PTPRD: variants seen among roughly 807,000 people sequenced by gnomAD.
The protein encoded by PTPRD is receptor-type tyrosine-protein phosphatase delta.
Under a neutral mutation model 214.5 loss-of-function variants are expected in PTPRD, and 34 were observed. The ratio of observed to expected loss-of-function variants is 0.16; its 90% CI spans 0.12 to 0.21. The LOEUF is 0.21. Among genes scored for constraint, PTPRD ranks in the 10% least tolerant of loss-of-function variants. The probability of loss-of-function intolerance (pLI) is 1.00; values close to 1 mark genes in which losing one functional copy is unlikely to be tolerated. For missense variants in PTPRD, 2,545 were observed against 2,398.7 expected (o/e 1.06, Z -1.27); for synonymous variants, 1,128 against 845.7 (o/e 1.33, Z -5.79).
chr9:9,982,183 G>T (rs1456715718), intron 4 of PTPRD, among the ~76,000 whole-genome samples: 2 of 152,204 alleles, frequency 1.3e-5, no homozygotes, highest in East Asian at 3.9e-4. Flanking sequence ...TCTGTGCCAA[G>T]AAACCTCTGG....
chr9:9,242,042 G>A (rs1594361061), intron 9 of PTPRD, among the ~76,000 whole-genome samples: 1 of 151,950 alleles, frequency 6.6e-6, no homozygotes, highest in African/African-American at 2.4e-5. Context: ...CAGGCCTGGT[G>A]GTGACAAAAT....
At chr9:8,944,467 C>T (rs955816127) in intron 11 of PTPRD, among the ~76,000 whole-genome samples, 1 of 152,086 alleles carries the variant, frequency 6.6e-6, no homozygotes, top group Non-Finnish European at 1.5e-5. Context: ...TTTACTGCAG[C>T]ACTACACAAA....
At chr9:10,497,943 T>A (rs573886203) in intron 2 of PTPRD, among the ~76,000 whole-genome samples, 1 of 152,176 alleles carries the variant, frequency 6.6e-6, no homozygotes, top group South Asian at 2.1e-4. Flanking sequence ...TTATCTAGTC[T>A]GTTGGTTAAT....
chr9:9,376,468 T>G (rs1024847439), intron 9 of PTPRD, among the ~76,000 whole-genome samples: 8 of 152,168 alleles, frequency 5.3e-5, no homozygotes, highest in African/African-American at 1.9e-4. Flanking sequence ...ACCTACATAG[T>G]GTTTAGGACT....
intron 35 of PTPRD, among the ~76,000 whole-genome samples, chr9:8,432,192 T>TTTC (rs1430323474): frequency 3.9e-5 from 6 of 152,240 alleles, no homozygotes; most frequent in Non-Finnish European, 7.3e-5. Flanking sequence ...TAAGGAGGAC[T>TTTC]TTCTTCCCTG....
chr9:9,411,180 G>A (rs1365634730), intron 8 of PTPRD, among the ~76,000 whole-genome samples: 1 of 150,686 alleles, frequency 6.6e-6, no homozygotes, highest in Non-Finnish European at 1.5e-5. Context: ...TTGGGACATA[G>A]TTTGTGTTCC....
intron 9 of PTPRD, among the ~76,000 whole-genome samples, chr9:9,368,401 G>A (rs1485756740): frequency 6.6e-6 from 1 of 151,802 alleles, no homozygotes; most frequent in African/African-American, 2.4e-5. Context: ...TCCTTGTTAG[G>A]AATCTACATT....
intron 5 of PTPRD, among the ~76,000 whole-genome samples, chr9:9,808,664 T>C (rs2046191162): frequency 6.6e-6 from 1 of 152,204 alleles, no homozygotes; most frequent in African/African-American, 2.4e-5. Context: ...AAAGATAATG[T>C]CTGCCTCCTG....
intron 11 of PTPRD, among the ~76,000 whole-genome samples, chr9:8,905,043 C>G (rs943114075): frequency 6.6e-6 from 1 of 152,098 alleles, no homozygotes; most frequent in Non-Finnish European, 1.5e-5. Flanking sequence ...TTAAATGACA[C>G]AAATGATTAG....
chr9:10,495,544 T>G (rs1354030685), intron 2 of PTPRD, among the ~76,000 whole-genome samples: 1 of 151,918 alleles, frequency 6.6e-6, no homozygotes, highest in Non-Finnish European at 1.5e-5. Context: ...CTAACAGCTT[T>G]TACTATGTAC....
At chr9:8,629,972 G>A (rs1291850058) in intron 14 of PTPRD, among the ~76,000 whole-genome samples, 3 of 151,862 alleles carry the variant, frequency 2.0e-5, no homozygotes, top group South Asian at 2.1e-4. Flanking sequence ...TGCTCCCTTC[G>A]AGGCACATGG....
At chr9:8,958,015 A>G (rs565736326) in intron 11 of PTPRD, among the ~76,000 whole-genome samples, 46 of 151,520 alleles carry the variant, frequency 3.0e-4, no homozygotes, top group African/African-American at 1.0e-3. Context: ...GGGAAGAACC[A>G]TTAGTTACAT....
chr9:8,988,456 G>A (rs1220366071), intron 11 of PTPRD, among the ~76,000 whole-genome samples: 1 of 152,046 alleles, frequency 6.6e-6, no homozygotes, highest in Non-Finnish European at 1.5e-5. Context: ...GCTATGGATG[G>A]TATCTTTGAT....
intron 9 of PTPRD, among the ~76,000 whole-genome samples, chr9:9,260,598 G>A (rs1192870087): frequency 6.6e-6 from 1 of 151,748 alleles, no homozygotes; most frequent in African/African-American, 2.4e-5. Flanking sequence ...AGAGTAGGGT[G>A]AGGTAGGATA....
chr9:8,444,605 G>A (rs111519681), intron 34 of PTPRD, among the ~76,000 whole-genome samples: 1,653 of 152,056 alleles, frequency 0.011, 21 homozygotes, highest in Non-Finnish European at 0.015. Context: ...TTGTTGGACC[G>A]TTTCCCACCA....
At chr9:10,215,009 T>C (rs1335220882) in intron 3 of PTPRD, among the ~76,000 whole-genome samples, 3 of 152,064 alleles carry the variant, frequency 2.0e-5, no homozygotes, top group Admixed American at 2.0e-4. Flanking sequence ...GGTGGAATCT[T>C]ACATTGGACA....
Position 8,772,599 on chromosome 9 carries a change from C to T in PTPRD, c.-103-38653G>A, listed in dbSNP as rs115848079. ...TTGAGGATGTAGTTAGCTATGACTA[C>T]GCCACTGCAATCCAGCCTGGGCAAT... On this transcript the variant is annotated intron_variant, in intron 11 of 45. Transcript: ENST00000381196. Among the ~76,000 whole-genome samples the T allele has an allele frequency of 3.4e-3, 515 of 151,926 alleles. 6 individuals carry two copies. Among genetic ancestry groups the T allele is most frequent in the African/African-American group, 0.012 (484 of 41,388 alleles).
At chr9:9,812,240 C>G (rs555071724) in intron 5 of PTPRD, among the ~76,000 whole-genome samples, 9 of 152,198 alleles carry the variant, frequency 5.9e-5, no homozygotes, top group African/African-American at 1.9e-4. Flanking sequence ...TCACTCACTT[C>G]ATAGTGATGT....
intron 8 of PTPRD, among the ~76,000 whole-genome samples, chr9:9,570,545 T>C (rs1246011395): frequency 1.3e-5 from 2 of 151,546 alleles, no homozygotes; most frequent in East Asian, 1.9e-4. Flanking sequence ...TTATGCTCTA[T>C]TTCTCAGATA....
Sources: allele counts gnomAD v4.1 joint callset (sites outside exome capture counted in the v4.1 genomes callset), GRCh38; gene constraint gnomAD v4.1.1; transcripts MANE v1.5; gene names NCBI Gene and HGNC (gene_info 2026-07-23, HGNC 2026-07-21).